The following JAZF1 variants were observed in gnomAD, a reference collection of about 807,000 sequenced individuals.
JAZF1 encodes the protein JAZF zinc finger 1, also known as juxtaposed with another zinc finger protein 1.
In JAZF1, 8 loss-of-function variants were observed where a neutral mutation model predicts 26.4. The observed-to-expected ratio is 0.30, with a 90% confidence interval of 0.18 to 0.55. JAZF1 has a LOEUF of 0.55. JAZF1 is among the 20% of genes least tolerant of loss of function. JAZF1 has a pLI of 0.94. For synonymous variants in JAZF1, 126 were observed against 122.3 expected (o/e 1.03, Z -0.20); for missense variants, 199 against 322.0 (o/e 0.62, Z 2.92).
chr7:27,950,553 C>T (rs965473890), intron 2 of JAZF1, among the ~76,000 whole-genome samples: 7 of 152,196 alleles, frequency 4.6e-5, no homozygotes, highest in African/African-American at 1.7e-4. Context: ...TTACCAAAAA[C>T]CAGGATTTTT....
intron 1 of JAZF1, among the ~76,000 whole-genome samples, chr7:28,056,808 C>G (rs1783720150): frequency 1.3e-5 from 2 of 152,186 alleles, no homozygotes; most frequent in Non-Finnish European, 2.9e-5. Context: ...TGTAGCTCCT[C>G]ACCTCCATGA....
intron 3 of JAZF1, among the ~76,000 whole-genome samples, chr7:27,871,959 C>T (rs909012216): frequency 3.3e-5 from 5 of 152,198 alleles, no homozygotes; most frequent in Non-Finnish European, 4.4e-5. Context: ...GGGCTCACTT[C>T]AGAAAATGCA....
intron 1 of JAZF1, among the ~76,000 whole-genome samples, chr7:28,017,593 A>C: frequency 6.6e-6 from 1 of 152,216 alleles, no homozygotes; most frequent in East Asian, 1.9e-4. Flanking sequence ...TCCATGTGGA[A>C]CTGCAGGCAG....
chr7:28,115,098 CTGT>C (rs1484360692), intron 1 of JAZF1, among the ~76,000 whole-genome samples: 3 of 152,112 alleles, frequency 2.0e-5, no homozygotes, highest in Non-Finnish European at 4.4e-5. Context: ...CATGTAGGTT[CTGT>C]TGTTGTTTTT....
At chr7:27,895,501 C>T (rs539448426) in intron 2 of JAZF1, 85 bp from the exon 3 acceptor site, 18 of 1,003,858 alleles carry the variant, frequency 1.8e-5, no homozygotes, top group South Asian at 8.4e-5. Context: ...CAGACATGCA[C>T]GACCCTGGAA....
chr7:27,910,521 C>A (rs1455873463), intron 2 of JAZF1, among the ~76,000 whole-genome samples: 5 of 152,168 alleles, frequency 3.3e-5, no homozygotes, highest in African/African-American at 1.2e-4. Context: ...TCAGCTGGCT[C>A]CCAGGAATGC....
chr7:27,917,695 G>A (rs911883881), intron 2 of JAZF1, among the ~76,000 whole-genome samples: 3 of 152,144 alleles, frequency 2.0e-5, no homozygotes, highest in Admixed American at 6.5e-5. Context: ...CCTGCGAGTG[G>A]GGAAAAGTAC....
intron 1 of JAZF1, among the ~76,000 whole-genome samples, chr7:28,092,441 G>A (rs1247459597): frequency 6.6e-6 from 1 of 151,008 alleles, no homozygotes; most frequent in Non-Finnish European, 1.5e-5. Flanking sequence ...GAGCTTTGAT[G>A]TTATATTGCC....
chr7:28,063,775 A>C (rs146198407), intron 1 of JAZF1, among the ~76,000 whole-genome samples: 619 of 152,224 alleles, frequency 4.1e-3, no homozygotes, highest in Middle Eastern at 0.02. Context: ...GGATTACAAA[A>C]ATTTTTAGGA....
At chr7:28,172,620 G>A (rs745558758) in intron 1 of JAZF1, among the ~76,000 whole-genome samples, 5 of 152,070 alleles carry the variant, frequency 3.3e-5, no homozygotes, top group Non-Finnish European at 5.9e-5. Context: ...AATCCTCCAC[G>A]TAGAATTTTA....
intron 1 of JAZF1, among the ~76,000 whole-genome samples, chr7:28,162,280 G>A (rs1783304960): frequency 6.6e-6 from 1 of 152,176 alleles, no homozygotes; most frequent in Non-Finnish European, 1.5e-5. Flanking sequence ...TCTCACTAAT[G>A]CAATAAAAGT....
chr7:28,148,900 G>A (rs1343756537), intron 1 of JAZF1, among the ~76,000 whole-genome samples: 1 of 152,310 alleles, frequency 6.6e-6, no homozygotes, highest in African/African-American at 2.4e-5. Context: ...ACCTCCTTGC[G>A]GTTTACGCAG....
intron 1 of JAZF1, among the ~76,000 whole-genome samples, chr7:28,094,257 C>T (rs1484593052): frequency 4.6e-5 from 7 of 152,074 alleles, no homozygotes; most frequent in Non-Finnish European, 7.4e-5. Context: ...TGTCTGCCTC[C>T]CCGATATCCC....
At chr7:27,835,832 AT>A (rs1782796333) in intron 4 of JAZF1, among the ~76,000 whole-genome samples, 1 of 152,228 alleles carries the variant, frequency 6.6e-6, no homozygotes, top group Non-Finnish European at 1.5e-5. Flanking sequence ...GTAAAAAAAA[AT>A]AAATAATGGC....
chr7:27,852,130 C>CTT lies in JAZF1; in HGVS notation c.386-11265_386-11264dup, dbSNP rs113021262. Reference sequence around the variant, plus strand: ...ACGTTTGCTTGCTCAATAAACAGGACTTTTTTTTTTTTTTTCTTTGAGATG... The same window carrying CTT: ...ACGTTTGCTTGCTCAATAAACAGGACTTTTTTTTTTTTTTTTTCTTTGAGATG... On this transcript the variant is annotated intron_variant, in intron 3 of 4. Coordinates refer to ENST00000283928, the MANE Select transcript of JAZF1 (RefSeq NM_175061.4). Among the ~76,000 whole-genome samples, 200 of 125,264 alleles carry CTT rather than the reference C, an allele frequency of 1.6e-3. 1 individual carries two copies. Among genetic ancestry groups the CTT allele is most frequent in the African/African-American group, 4.4e-3 (163 of 36,676 alleles). 82.2% of individuals were successfully genotyped at this position (125,264 alleles called of 152,430 possible).
intron 1 of JAZF1, among the ~76,000 whole-genome samples, chr7:28,043,885 A>T (rs1265869795): frequency 6.6e-6 from 1 of 152,188 alleles, no homozygotes; most frequent in Admixed American, 6.5e-5. Context: ...AAGACACAAG[A>T]GGCCAGATAT....
chr7:28,035,313 C>CAAAAAAAAAAAAAAAAAAAAAAAAA lies in JAZF1; in HGVS notation c.116-43357_116-43333dup, dbSNP rs201602870. Among the ~76,000 whole-genome samples, 9 of 27,454 alleles carry CAAAAAAAAAAAAAAAAAAAAAAAAA rather than the reference C, an allele frequency of 3.3e-4. 1 individual carries two copies. The highest frequency in any genetic ancestry group is 1.3e-3 in the Admixed American group (2 of 1,572). 18.0% of individuals were successfully genotyped at this position (27,454 alleles called of 152,430 possible). On this transcript the variant is annotated intron_variant, in intron 1 of 4. Coordinates refer to ENST00000283928, the MANE Select transcript of JAZF1 (RefSeq NM_175061.4). ...TGGGCGACAAAGTGAGACTCCATCT[C>CAAAAAAAAAAAAAAAAAAAAAAAAA]AAAAAAAAAAAAAAAAAAAAAAAAA... is the stretch of plus-strand genomic sequence containing the variant.
At chr7:27,972,124 G>A (rs1427704792) in intron 2 of JAZF1, among the ~76,000 whole-genome samples, 1 of 152,196 alleles carries the variant, frequency 6.6e-6, no homozygotes, top group Non-Finnish European at 1.5e-5. Flanking sequence ...TTCCTTAGGG[G>A]AAGACAGGTA....
intron 3 of JAZF1, among the ~76,000 whole-genome samples, chr7:27,859,812 T>C (rs1233443595): frequency 2.6e-5 from 4 of 152,204 alleles, no homozygotes; most frequent in East Asian, 3.8e-4. Flanking sequence ...GGCATGTGTA[T>C]AGCTATGTAA....
Sources: gnomAD v4.1 joint callset for allele counts (sites outside exome capture counted in the v4.1 genomes callset) on GRCh38, gnomAD v4.1.1 for gene constraint, MANE v1.5 for transcripts, NCBI Gene and HGNC (gene_info 2026-07-23, HGNC 2026-07-21) for gene names.